The following BABAM2 variants were observed in gnomAD, a reference collection of about 807,000 sequenced individuals.
BABAM2 encodes BRISC and BRCA1 A complex member 2, also known as BRISC and BRCA1-A complex member 2.
Under a neutral mutation model 54.7 loss-of-function variants are expected in BABAM2, and 31 were observed. That is an observed-to-expected ratio of 0.57 (90% confidence interval 0.43 to 0.77). BABAM2 has a LOEUF of 0.77. Among genes scored for constraint, BABAM2 ranks in the 30% least tolerant of loss-of-function variants. The pLI is 0.00. For synonymous variants in BABAM2, 167 were observed against 162.9 expected (o/e 1.03, Z -0.19); for missense variants, 364 against 455.8 (o/e 0.80, Z 1.83).
At chr2:28,185,962 A>T (rs6547835) in intron 7 of BABAM2, among the ~76,000 whole-genome samples, 150,699 of 152,286 alleles carry the variant, frequency 0.99, 74,590 homozygotes, top group Middle Eastern at 1. Context: ...GTAAGATCAC[A>T]GATTTCTTTC....
chr2:27,999,579 C>G (rs1019695923), intron 4 of BABAM2, among the ~76,000 whole-genome samples: 4 of 152,326 alleles, frequency 2.6e-5, no homozygotes, highest in Admixed American at 2.6e-4. Flanking sequence ...AAAAAACTTC[C>G]ACAGCCTTAG....
intron 3 of BABAM2, among the ~76,000 whole-genome samples, chr2:27,945,727 T>C (rs1035272307): frequency 1.6e-4 from 25 of 152,248 alleles, no homozygotes; most frequent in African/African-American, 6.0e-4. Flanking sequence ...TCAGTGAATA[T>C]ATCTTAATCC....
At chr2:28,082,757 C>T (rs934764311) in intron 6 of BABAM2, among the ~76,000 whole-genome samples, 3 of 152,138 alleles carry the variant, frequency 2.0e-5, no homozygotes, top group Non-Finnish European at 4.4e-5. Context: ...AGTGTTCTTT[C>T]ATCTGGAGTT....
chr2:28,197,098 C>T (rs780616033), intron 7 of BABAM2, among the ~76,000 whole-genome samples: 11 of 151,838 alleles, frequency 7.2e-5, no homozygotes, highest in Non-Finnish European at 1.6e-4. Flanking sequence ...ATAATCCACC[C>T]AACCTACACC....
intron 4 of BABAM2, among the ~76,000 whole-genome samples, chr2:28,011,457 G>T (rs1674391640): frequency 6.6e-6 from 1 of 152,164 alleles, no homozygotes; most frequent in African/African-American, 2.4e-5. Flanking sequence ...CATAAGTTGT[G>T]TTACTAGGAC....
chr2:28,033,537 C>G (rs1162429710), intron 5 of BABAM2, among the ~76,000 whole-genome samples: 1 of 152,088 alleles, frequency 6.6e-6, no homozygotes, highest in African/African-American at 2.4e-5. Context: ...AGGTCAATCT[C>G]TCTCTTCTTG....
chr2:28,056,399 A>G (rs1019671614), intron 6 of BABAM2, among the ~76,000 whole-genome samples: 2 of 152,168 alleles, frequency 1.3e-5, no homozygotes, highest in African/African-American at 2.4e-5. Context: ...AATATACACA[A>G]TAAAATTTAT....
intron 11 of BABAM2, among the ~76,000 whole-genome samples, chr2:28,306,944 C>G (rs1647499131): frequency 6.7e-6 from 1 of 148,232 alleles, no homozygotes; most frequent in Non-Finnish European, 1.5e-5. Flanking sequence ...GATCCACCTG[C>G]CTTGGCCCCC....
At chr2:28,328,546 C>A (rs1010088281) in intron 11 of BABAM2, among the ~76,000 whole-genome samples, 3 of 152,170 alleles carry the variant, frequency 2.0e-5, no homozygotes, top group African/African-American at 7.2e-5. Context: ...GCTCATCTTA[C>A]AATTACCCAA....
chr2:28,011,050 G>T (rs1029542254), intron 4 of BABAM2, among the ~76,000 whole-genome samples: 2 of 152,174 alleles, frequency 1.3e-5, no homozygotes, highest in African/African-American at 4.8e-5. Context: ...AGATAGTGAG[G>T]ACCTATAGAG....
intron 2 of BABAM2, among the ~76,000 whole-genome samples, chr2:27,909,569 A>G (rs892817211): frequency 6.6e-6 from 1 of 152,150 alleles, no homozygotes; most frequent in Non-Finnish European, 1.5e-5. Flanking sequence ...ACTTGACAAA[A>G]TTTGAGGTAC....
chr2:28,122,107 T>G lies in BABAM2; in HGVS notation c.571-7164T>G, dbSNP rs374470016. ...GGCGGGCACCTGTAGTCCCAGCTACTCGGGAGGCTGAGGCAGGAGAATGGC... is the reference window on the plus strand; with the variant it reads ...GGCGGGCACCTGTAGTCCCAGCTACGCGGGAGGCTGAGGCAGGAGAATGGC... On this transcript the variant is annotated intron_variant, in intron 6 of 11. Transcript: ENST00000379624. Among the ~76,000 whole-genome samples the G allele has an allele frequency of 8.2e-4, 124 of 152,120 alleles. 1 individual carries two copies. The East Asian group carries it at 0.016, about 19-fold the overall frequency.
At chr2:27,962,953 C>T (rs1670576870) in intron 3 of BABAM2, among the ~76,000 whole-genome samples, 1 of 152,146 alleles carries the variant, frequency 6.6e-6, no homozygotes, top group Admixed American at 6.5e-5. Context: ...AGGAACAAAA[C>T]AACTTTATTT....
chr2:27,903,730 T>C (rs11127130), intron 2 of BABAM2, among the ~76,000 whole-genome samples: 150,657 of 152,334 alleles, frequency 0.99, 74,528 homozygotes, highest in East Asian at 1. Flanking sequence ...GCACGTAGCA[T>C]ACGCTGTAGC....
chr2:28,146,367 AT>A (rs145701944), intron 7 of BABAM2, among the ~76,000 whole-genome samples: 1,679 of 152,306 alleles, frequency 0.011, 30 homozygotes, highest in African/African-American at 0.039. Context: ...CCATGTGCAT[AT>A]TAGCATTTCC....
chr2:28,298,440 A>G lies in BABAM2; in HGVS notation c.1037A>G (p.Asn346Ser). 3 of 1,614,202 alleles carry G rather than the reference A, an allele frequency of 1.9e-6. No homozygotes were observed. Among genetic ancestry groups the G allele is most frequent in the Non-Finnish European group, 2.5e-6 (3 of 1,180,028 alleles). The change falls in exon 11 of 12, where the codon AAT becomes AGT. Residue 346 changes from asparagine (N) to serine (S), a missense_variant. Transcript: ENST00000379624. ...SGQLYSQAQKNYPYSPRWDGN... is the reference protein window; with the variant it reads ...SGQLYSQAQKSYPYSPRWDGN... ...CAGCTTTACTCCCAGGCCCAAAAAA[A>G]TTATCCGTACAGCCCCAGATGGGAT...
chr2:27,959,292 A>G (rs920715963), intron 3 of BABAM2, among the ~76,000 whole-genome samples: 9 of 152,202 alleles, frequency 5.9e-5, no homozygotes, highest in African/African-American at 9.7e-5. Flanking sequence ...ACAGTTTTCC[A>G]TTTAGTGACA....
At chr2:27,936,211 T>C (rs1401215734) in intron 3 of BABAM2, among the ~76,000 whole-genome samples, 1 of 152,116 alleles carries the variant, frequency 6.6e-6, no homozygotes, top group Admixed American at 6.6e-5. Context: ...TGAGCCACCA[T>C]GTCCGGCCGC....
chr2:28,132,583 T>A (rs1343359059), intron 7 of BABAM2, among the ~76,000 whole-genome samples: 1 of 152,170 alleles, frequency 6.6e-6, no homozygotes, highest in Non-Finnish European at 1.5e-5. Context: ...GCCTCTGTGC[T>A]TTTGCTAAAG....
Sources: allele counts gnomAD v4.1 joint callset (sites outside exome capture counted in the v4.1 genomes callset), GRCh38; gene constraint gnomAD v4.1.1; transcripts MANE v1.5; gene names NCBI Gene and HGNC (gene_info 2026-07-23, HGNC 2026-07-21).